The following AFF3 variants were observed in gnomAD, a reference collection of about 807,000 sequenced individuals.
AFF3 encodes the protein AF4/FMR2 family member 3.
A neutral mutation model predicts 129.7 loss-of-function variants in AFF3; 32 were observed. That is an observed-to-expected ratio of 0.25 (90% confidence interval 0.19 to 0.33). AFF3 has a LOEUF of 0.33. Among genes scored for constraint, AFF3 ranks in the 10% least tolerant of loss-of-function variants. AFF3 has a pLI of 1.00. For missense variants in AFF3, 1,373 were observed against 1,592.0 expected (o/e 0.86, Z 2.34); for synonymous variants, 644 against 635.4 (o/e 1.01, Z -0.20).
Position 99,593,979 on chromosome 2 carries a change from G to A in AFF3, c.1682C>T (p.Ala561Val). Reference protein sequence around the residue: ...PAAVAVAVSAAAPPPAVPCAP... With the variant: ...PAAVAVAVSAVAPPPAVPCAP... The stretch of plus-strand genomic sequence containing the variant: ...ACAGGGCACTGCGGGTGGCGGGGCG[G>A]CTGCGCTCACCGCCACGGCCACGGC... The change falls in exon 15 of 25, where the codon GCC (alanine) becomes GTC (valine). Residue 561 changes from alanine to valine, a missense_variant. Physicochemically the swap from Ala to Val is moderately conservative, Grantham distance 64. Coordinates refer to ENST00000672756, the MANE Select transcript of AFF3 (RefSeq NM_001386135.1). The A allele has an allele frequency of 6.6e-7, 1 of 1,508,898 alleles. No individual in the cohort carries two copies. Among genetic ancestry groups the A allele is most frequent in the Non-Finnish European group, 8.8e-7 (1 of 1,130,470 alleles). The allele number at this position is 1,508,898 out of a possible 1,614,324, so 93.5% of individuals were successfully genotyped here.
At chr2:99,624,355 A>G (rs1682342288) in intron 13 of AFF3, among the ~76,000 whole-genome samples, 1 of 152,216 alleles carries the variant, frequency 6.6e-6, no homozygotes, top group African/African-American at 2.4e-5. Flanking sequence ...ATGTAATTAA[A>G]ATAATTTTGA....
chr2:100,033,117 C>G (rs1004484854), intron 4 of AFF3, among the ~76,000 whole-genome samples: 4 of 152,142 alleles, frequency 2.6e-5, no homozygotes, highest in Non-Finnish European at 4.4e-5. Flanking sequence ...CTTGCATATG[C>G]CATACCCATA....
intron 8 of AFF3, among the ~76,000 whole-genome samples, chr2:99,802,409 C>A (rs1337283370): frequency 6.6e-6 from 1 of 152,110 alleles, no homozygotes; most frequent in African/African-American, 2.4e-5. Context: ...GCCTGTAATC[C>A]CAGCACTTTG....
At chr2:99,564,416 A>T (rs1002330847) in intron 20 of AFF3, among the ~76,000 whole-genome samples, 1 of 152,094 alleles carries the variant, frequency 6.6e-6, no homozygotes, top group Admixed American at 6.6e-5. Flanking sequence ...TCATTTCATC[A>T]CTACTGAAAG....
intron 7 of AFF3, among the ~76,000 whole-genome samples, chr2:99,988,852 C>G (rs1680099477): frequency 6.6e-6 from 1 of 152,054 alleles, no homozygotes; most frequent in Non-Finnish European, 1.5e-5. Flanking sequence ...TTTTCCTTTT[C>G]CTTACTACAG....
intron 13 of AFF3, among the ~76,000 whole-genome samples, chr2:99,615,279 G>A (rs999198462): frequency 4.8e-4 from 73 of 152,362 alleles, no homozygotes; most frequent in African/African-American, 1.7e-3. Flanking sequence ...AGGCTTCTCT[G>A]AAAGCCCTGT....
chr2:99,787,181 T>C (rs947757292), intron 8 of AFF3, among the ~76,000 whole-genome samples: 9 of 152,158 alleles, frequency 5.9e-5, no homozygotes, highest in African/African-American at 2.2e-4. Context: ...CACGGCTGTG[T>C]GCTGGCTCAC....
intron 12 of AFF3, among the ~76,000 whole-genome samples, chr2:99,660,042 T>C (rs1225050750): frequency 6.6e-6 from 1 of 152,190 alleles, no homozygotes; most frequent in Non-Finnish European, 1.5e-5. Context: ...ATGGCTTTCA[T>C]CTTTGGCTCA....
chr2:99,624,910 G>A (rs983265584), intron 13 of AFF3, among the ~76,000 whole-genome samples: 3 of 152,166 alleles, frequency 2.0e-5, no homozygotes, highest in Admixed American at 6.6e-5. Context: ...ACCTGCATAC[G>A]GCTCCACCCT....
chr2:99,744,207 A>G, intron 9 of AFF3, 67 bp from the exon 10 acceptor site: 1 of 1,413,018 alleles, frequency 7.1e-7, no homozygotes, highest in Non-Finnish European at 9.9e-7. Flanking sequence ...TAAACATGAG[A>G]TCATGTTTAA....
At chr2:99,700,813 AG>A (rs1169646580) in intron 11 of AFF3, among the ~76,000 whole-genome samples, 1 of 152,220 alleles carries the variant, frequency 6.6e-6, no homozygotes, top group Non-Finnish European at 1.5e-5. Context: ...GACAGGGGGA[AG>A]GAGGAAGCAC....
intron 8 of AFF3, among the ~76,000 whole-genome samples, chr2:99,786,119 A>C (rs1342945499): frequency 1.3e-5 from 2 of 152,214 alleles, no homozygotes; most frequent in Admixed American, 6.5e-5. Flanking sequence ...GGACTCTCAA[A>C]TCTTGCACAA....
intron 4 of AFF3, among the ~76,000 whole-genome samples, chr2:100,104,144 C>A (rs866786237): frequency 6.6e-6 from 1 of 152,104 alleles, no homozygotes; most frequent in Admixed American, 6.5e-5. Context: ...CTGCCCCTGG[C>A]TACCTAGATC....
At chr2:99,574,033 C>T (rs1346181258) in intron 18 of AFF3, among the ~76,000 whole-genome samples, 1 of 152,180 alleles carries the variant, frequency 6.6e-6, no homozygotes, top group African/African-American at 2.4e-5. Flanking sequence ...GTTGTTCTCT[C>T]TCAATTTTCC....
At position 99,627,946 on chromosome 2, in the gene AFF3, T is replaced by C. The variant is rs574909704; in HGVS notation, c.1184+21680A>G. 1.3e-3 allele frequency among the ~76,000 whole-genome samples: 191 copies of C among 151,290 alleles called. 5 individuals are homozygous for C. The South Asian group carries it at 0.039, about 31-fold the overall frequency. Reference sequence around the variant, plus strand: ...GTGTCTGTTTTTGTACCAGTACCCATGTTGTTTTGGTTACCATAGCCCTGT... The same window carrying C: ...GTGTCTGTTTTTGTACCAGTACCCACGTTGTTTTGGTTACCATAGCCCTGT... On this transcript the variant is annotated intron_variant, in intron 13 of 24. Coordinates refer to ENST00000672756, the MANE Select transcript of AFF3 (RefSeq NM_001386135.1).
chr2:100,113,536 C>T (rs975569657), intron 2 of AFF3, among the ~76,000 whole-genome samples: 1 of 152,124 alleles, frequency 6.6e-6, no homozygotes, highest in Non-Finnish European at 1.5e-5. Context: ...GATTTGCATT[C>T]CAAGTCAAGA....
intron 7 of AFF3, among the ~76,000 whole-genome samples, chr2:99,882,664 C>T (rs776676066): frequency 3.3e-5 from 5 of 152,238 alleles, no homozygotes; most frequent in Non-Finnish European, 7.3e-5. Context: ...CCTGCATAAT[C>T]CACTGGCCAT....
chr2:99,594,465 C>T (rs1361981040), intron 14 of AFF3, among the ~76,000 whole-genome samples, 176 bp from the exon 15 acceptor site: 1 of 152,164 alleles, frequency 6.6e-6, no homozygotes, highest in East Asian at 1.9e-4. Context: ...ATGTGGCACT[C>T]AGGATGCCTG....
chr2:99,637,550 T>C (rs774915963), intron 13 of AFF3, among the ~76,000 whole-genome samples: 1 of 152,236 alleles, frequency 6.6e-6, no homozygotes, highest in Non-Finnish European at 1.5e-5. Context: ...GACTACCAGG[T>C]GTACCTTCAC....
Sources: allele counts gnomAD v4.1 joint callset (sites outside exome capture counted in the v4.1 genomes callset), GRCh38; gene constraint gnomAD v4.1.1; transcripts MANE v1.5; gene names NCBI Gene and HGNC (gene_info 2026-07-23, HGNC 2026-07-21).